TDRD15: variants seen among roughly 807,000 people sequenced by gnomAD.
TDRD15 encodes tudor domain containing 15.
For synonymous variants in TDRD15, 503 were observed against 314.5 expected (o/e 1.60, Z -6.34); for missense variants, 1,416 against 904.7 (o/e 1.57, Z -7.25).
At position 21,143,212 on chromosome 2, in the gene TDRD15, TAA is replaced by T. The variant is rs1665973889; in HGVS notation, c.5747_5748del (p.Lys1916ArgfsTer6). On this transcript the variant is annotated frameshift_variant, in exon 4 of 4. Transcript: ENST00000405799. LOFTEE classifies it low-confidence loss of function (END_TRUNC). ...TTGCATCTGGTCTCGCAACTTATTC[TAA>T]AGATTCACCTCATCTTGATGCAATT... ...LVASGLATYS[K>X]DSPHLDAITA... The T allele has an allele frequency of 1.5e-6, 1 of 679,620 alleles. No homozygotes were observed. Among genetic ancestry groups the T allele is most frequent in the Non-Finnish European group, 2.7e-6 (1 of 371,782 alleles). 42.1% of individuals were successfully genotyped at this position (679,620 alleles called of 1,614,324 possible). A position where few individuals can be genotyped will look rare whatever the true frequency, so the allele number is the denominator to read the frequency against.
Position 21,134,086 on chromosome 2 carries a change from A to C in TDRD15, c.-89-676A>C, listed in dbSNP as rs904511979. ...TACTGGTCTGGACTTGTTTGATGTT[A>C]ATTTATAGAAGATAAACTCCAATGA... is the stretch of plus-strand genomic sequence containing the variant. On this transcript the variant is annotated intron_variant, in intron 2 of 3. Coordinates refer to ENST00000405799, the MANE Select transcript of TDRD15 (RefSeq NM_001306137.2). 2.0e-5 allele frequency among the ~76,000 whole-genome samples: 3 copies of C among 152,008 alleles called. No individual in the cohort carries two copies. In the East Asian group the frequency reaches 5.8e-4, roughly 29 times the overall value.
At chr2:21,136,961 G>A (rs879846082) in intron 3 of TDRD15, among the ~76,000 whole-genome samples, 47 of 151,986 alleles carry the variant, frequency 3.1e-4, no homozygotes, top group African/African-American at 1.1e-3. Context: ...TGCGAGTTCC[G>A]CACAGAGTGG....
At chr2:21,130,824 TA>T (rs939551612) in intron 2 of TDRD15, among the ~76,000 whole-genome samples, 2 of 152,264 alleles carry the variant, frequency 1.3e-5, no homozygotes, top group African/African-American at 4.8e-5. Flanking sequence ...ACACTTGCAA[TA>T]AAAAAGGTGG....
Position 21,140,855 on chromosome 2 carries a change from T to C in TDRD15, c.3388T>C (p.Tyr1130His), listed in dbSNP as rs1157073896. The change falls in exon 4 of 4, where the codon TAT (tyrosine) becomes CAT (histidine). Residue 1130 changes from tyrosine (Y) to histidine (H), a missense_variant. Transcript: ENST00000405799. ...TATAGAATTGTATGATGGATCTCAA[T>C]ATATAAATGAGAAAATTAAAGTGTT... Reference protein sequence around the residue: ...LGIELYDGSQYINEKIKVLLH... With the variant: ...LGIELYDGSQHINEKIKVLLH... The C allele has an allele frequency of 5.6e-6, 4 of 712,114 alleles. No homozygotes were observed. The highest frequency in any genetic ancestry group is 1.0e-5 in the Non-Finnish European group (4 of 382,818). 44.1% of individuals were successfully genotyped at this position (712,114 alleles called of 1,614,324 possible). A position where few individuals can be genotyped will look rare whatever the true frequency, so the allele number is the denominator to read the frequency against.
Position 21,140,007 on chromosome 2 carries a change from G to A in TDRD15, c.2540G>A (p.Cys847Tyr). The stretch of plus-strand genomic sequence containing the variant: ...AAAAGGGTTTTAATTGAAGATCTTT[G>A]TGCAATTAACCCACGTTTTCTCTTG... Reference protein sequence around the residue: ...YQKRVLIEDLCAINPRFLLLE... With the variant: ...YQKRVLIEDLYAINPRFLLLE... The change falls in exon 4 of 4, where the codon TGT becomes TAT. Residue 847 changes from cysteine (C) to tyrosine (Y), a missense_variant. Cys to Tyr is a radical substitution (Grantham distance 194). Transcript: ENST00000405799. The A allele has an allele frequency of 1.4e-6, 1 of 715,750 alleles. No individual in the cohort carries two copies. The highest frequency in any genetic ancestry group is 1.7e-5 in the African/African-American group (1 of 57,232). 44.3% of individuals were successfully genotyped at this position (715,750 alleles called of 1,614,324 possible).
chr2:21,127,718 A>G lies in TDRD15; in HGVS notation c.-90+7A>G, dbSNP rs1044525037. The G allele has an allele frequency of 3.9e-5, 6 of 152,264 alleles. No homozygotes were observed. Among genetic ancestry groups the G allele is most frequent in the African/African-American group, 1.4e-4 (6 of 41,480 alleles). 9.4% of individuals were successfully genotyped at this position (152,264 alleles called of 1,614,324 possible). ...TAATTAGTCTTAAACTCAGGTAAGC[A>G]TAAGTTCTCAAATTTTAATCTTTTT... On this transcript the variant is annotated splice_region_variant and intron_variant, in intron 2 of 3. Transcript: ENST00000405799.
intron 2 of TDRD15, among the ~76,000 whole-genome samples, chr2:21,132,089 T>G (rs1239736006): frequency 2.0e-5 from 3 of 152,148 alleles, no homozygotes; most frequent in African/African-American, 7.2e-5. Flanking sequence ...AGCTGTGCTC[T>G]GACAGCAGTT....
In TDRD15 at chr2:21,140,307, CTTTA is replaced by C. The variant is rs1665896959; in HGVS notation, c.2845_2848del (p.Phe949ValfsTer42). 1 of 714,592 alleles carries C rather than the reference CTTTA, an allele frequency of 1.4e-6. No individual in the cohort carries two copies. The highest frequency in any genetic ancestry group is 1.7e-5 in the African/African-American group (1 of 57,222). The allele number at this position is 714,592 out of a possible 1,614,324, so 44.3% of individuals were successfully genotyped here. On this transcript the variant is annotated frameshift_variant, in exon 4 of 4. Coordinates refer to ENST00000405799, the MANE Select transcript of TDRD15 (RefSeq NM_001306137.2). LOFTEE classifies it low-confidence loss of function (END_TRUNC). ...ATCACATTATCAGAGACATTCCCATCTTTATTTAGTCTTTACAGTTACTGTTATT... is the reference window on the plus strand; with the variant it reads ...ATCACATTATCAGAGACATTCCCATCTTTAGTCTTTACAGTTACTGTTATT...
Position 21,142,578 on chromosome 2 carries a change from C to G in TDRD15, c.5111C>G (p.Ala1704Gly). The stretch of plus-strand genomic sequence containing the variant: ...GTTGAAGAAAACAAACTTAGACTTG[C>G]AGAAATTGTTTACAACATTGAATCT... Reference protein sequence around the residue: ...VPVEENKLRLAEIVYNIESKT... With the variant: ...VPVEENKLRLGEIVYNIESKT... The change falls in exon 4 of 4, where the codon GCA (alanine) becomes GGA (glycine). Residue 1704 changes from alanine (A) to glycine (G), a missense_variant. Physicochemically the swap from Ala to Gly is moderately conservative, Grantham distance 60. Coordinates refer to ENST00000405799, the MANE Select transcript of TDRD15 (RefSeq NM_001306137.2). 1 of 710,324 alleles carries G rather than the reference C, an allele frequency of 1.4e-6. No homozygotes were observed. The highest frequency in any genetic ancestry group is 2.0e-5 in the Admixed American group (1 of 49,208). 44.0% of individuals were successfully genotyped at this position (710,324 alleles called of 1,614,324 possible). A position where few individuals can be genotyped will look rare whatever the true frequency, so the allele number is the denominator to read the frequency against.
chr2:21,146,525 C>G (rs899032295), downstream of TDRD15, among the ~76,000 whole-genome samples: 2 of 151,970 alleles, frequency 1.3e-5, no homozygotes, highest in African/African-American at 4.8e-5. Context: ...TGCTTGCCCA[C>G]ATGCTTGTTT....
At chr2:21,145,284 T>A (rs116563869), downstream of TDRD15, among the ~76,000 whole-genome samples, 200 of 152,188 alleles carry the variant, frequency 1.3e-3, 1 homozygote, top group African/African-American at 4.7e-3. Context: ...CTGACTGATT[T>A]TGTTTGTTAT....
intron 2 of TDRD15, among the ~76,000 whole-genome samples, chr2:21,133,821 G>T (rs1665760761): frequency 1.3e-5 from 2 of 151,936 alleles, no homozygotes; most frequent in South Asian, 4.1e-4. Flanking sequence ...TTGAAATATG[G>T]TTAGTCCAAA....
Position 21,138,375 on chromosome 2 carries a change from G to A in TDRD15, c.908G>A (p.Gly303Glu), listed in dbSNP as rs1347188101. The change falls in exon 4 of 4, where the codon GGA (glycine) becomes GAA (glutamate). Residue 303 changes from glycine (G) to glutamate (E), a missense_variant. By Grantham distance (98) the Gly-to-Glu change is moderately conservative. Coordinates refer to ENST00000405799, the MANE Select transcript of TDRD15 (RefSeq NM_001306137.2). ...CTTTGTGTTGCCAGAAGGCGAAATGGACAGTGGCATAGAGGAATTCTTCAG... is the reference window on the plus strand; with the variant it reads ...CTTTGTGTTGCCAGAAGGCGAAATGAACAGTGGCATAGAGGAATTCTTCAG... The part of the protein sequence containing the change: ...GLLCVARRRN[G>E]QWHRGILQQL... The A allele has an allele frequency of 7.0e-6, 5 of 716,518 alleles. No homozygotes were observed. In the Admixed American group the frequency reaches 1.0e-4, roughly 14 times the overall value. 44.4% of individuals were successfully genotyped at this position (716,518 alleles called of 1,614,324 possible). A position where few individuals can be genotyped will look rare whatever the true frequency, so the allele number is the denominator to read the frequency against.
rs764197433 is a variant in TDRD15, at chr2:21,137,755, C to T, written c.288C>T (p.Arg96=). 41 of 716,452 alleles carry T rather than the reference C, an allele frequency of 5.7e-5. No homozygotes were observed. The highest frequency in any genetic ancestry group is 2.4e-4 in the South Asian group (16 of 67,568). The allele number at this position is 716,452 out of a possible 1,614,324, so 44.4% of individuals were successfully genotyped here. Residue 96 remains arginine, a synonymous_variant, in exon 4 of 4, where the codon CGC becomes CGT. Transcript: ENST00000405799. ...TCTATACAGTGCTCCTCATAGATCGCGGAGAAGAACTAAGAGTTGCTGGTC... is the reference window on the plus strand; with the variant it reads ...TCTATACAGTGCTCCTCATAGATCGTGGAGAAGAACTAAGAGTTGCTGGTC... ...NELYTVLLID[R]GEELRVAGPQ... is the part of the protein sequence containing the mutation.
In TDRD15 at chr2:21,139,576, T is replaced by G; in HGVS notation, c.2109T>G (p.Pro703=). The G allele has an allele frequency of 1.4e-6, 1 of 714,478 alleles. No homozygotes were observed. Among genetic ancestry groups the G allele is most frequent in the Non-Finnish European group, 2.6e-6 (1 of 383,728 alleles). The allele number at this position is 714,478 out of a possible 1,614,324, so 44.3% of individuals were successfully genotyped here. ...TCATATCTGCCCTTCTTGAAGGACC[T>G]AAATCTAAAAAGTACCATTCAAATA... ...KKVISALLEG[P]KSKKYHSNNL... The change falls in exon 4 of 4, where the codon CCT becomes CCG. Residue 703 remains proline (P), a synonymous_variant. Transcript: ENST00000405799.
At chr2:21,144,422 A>G (rs983962739), downstream of TDRD15, among the ~76,000 whole-genome samples, 58 of 151,830 alleles carry the variant, frequency 3.8e-4, no homozygotes, top group African/African-American at 1.2e-3. Context: ...AGTGAGTGGA[A>G]ATGTCTTGTT....
chr2:21,140,121 G>C lies in TDRD15; in HGVS notation c.2654G>C (p.Arg885Thr). The change falls in exon 4 of 4, where the codon AGA becomes ACA. Residue 885 changes from arginine to threonine, a missense_variant. By Grantham distance (71) the Arg-to-Thr change is moderately conservative. Coordinates refer to ENST00000405799, the MANE Select transcript of TDRD15 (RefSeq NM_001306137.2). ...KLFSWTRKAF[R>T]DLWNFISSSR... Reference sequence around the variant, plus strand: ...TTCAGTTGGACAAGAAAAGCATTCAGAGACTTGTGGAATTTTATCTCTTCA... The same window carrying C: ...TTCAGTTGGACAAGAAAAGCATTCACAGACTTGTGGAATTTTATCTCTTCA... 1 of 716,018 alleles carries C rather than the reference G, an allele frequency of 1.4e-6. No homozygotes were observed. Among genetic ancestry groups the C allele is most frequent in the South Asian group, 1.5e-5 (1 of 67,554 alleles). 44.4% of individuals were successfully genotyped at this position (716,018 alleles called of 1,614,324 possible). A position where few individuals can be genotyped will look rare whatever the true frequency, so the allele number is the denominator to read the frequency against.
At chr2:21,124,476 G>GGT (rs143329553) in intron 1 of TDRD15, among the ~76,000 whole-genome samples, 2,272 of 134,572 alleles carry the variant, frequency 0.017, 93 homozygotes, top group African/African-American at 0.048. Context: ...CTAATGCCAG[G>GGT]GTGTGTGTGT....
Position 21,139,579 on chromosome 2 carries a change from A to G in TDRD15, c.2112A>G (p.Lys704=). The part of the protein sequence containing the change: ...KVISALLEGP[K]SKKYHSNNLV... The stretch of plus-strand genomic sequence containing the variant: ...TATCTGCCCTTCTTGAAGGACCTAA[A>G]TCTAAAAAGTACCATTCAAATAACC... The change falls in exon 4 of 4, where the codon AAA becomes AAG. Residue 704 remains lysine (K), a synonymous_variant. Coordinates refer to ENST00000405799, the MANE Select transcript of TDRD15 (RefSeq NM_001306137.2). 4 of 714,662 alleles carry G rather than the reference A, an allele frequency of 5.6e-6. No homozygotes were observed. Among genetic ancestry groups the G allele is most frequent in the South Asian group, 1.5e-5 (1 of 67,076 alleles). The allele number at this position is 714,662 out of a possible 1,614,324, so 44.3% of individuals were successfully genotyped here.
Sources: allele counts gnomAD v4.1 joint callset (sites outside exome capture counted in the v4.1 genomes callset), GRCh38; gene constraint gnomAD v4.1.1; transcripts MANE v1.5; gene names NCBI Gene and HGNC (gene_info 2026-07-23, HGNC 2026-07-21).